LGMN: variants seen among roughly 807,000 people sequenced by gnomAD.
LGMN encodes asparaginyl endopeptidase.
Under a neutral mutation model 56.8 loss-of-function variants are expected in LGMN, and 36 were observed. The observed-to-expected ratio is 0.63, with a 90% CI of 0.49 to 0.84. The LOEUF is 0.84. Ranked by LOEUF, LGMN falls within the 40% of genes least tolerant of loss-of-function variation. The pLI, the probability that LGMN is intolerant of heterozygous loss-of-function variation, is 0.00. For missense variants in LGMN, 446 were observed against 556.1 expected (o/e 0.80, Z 1.99); for synonymous variants, 199 against 210.1 (o/e 0.95, Z 0.46).
At chr14:92,712,624 C>A (rs1889839543) in intron 8 of LGMN, 181 bp downstream of exon 8, 1 of 606,880 alleles carries the variant, frequency 1.6e-6, no homozygotes, top group East Asian at 2.8e-5. Context: ...TTCTTTATTC[C>A]CTGACTACCA....
intron 1 of LGMN, among the ~76,000 whole-genome samples, chr14:92,748,232 C>T (rs1337243672): frequency 6.6e-6 from 1 of 152,050 alleles, no homozygotes; most frequent in Non-Finnish European, 1.5e-5. Flanking sequence ...GCACTGAGCC[C>T]TTCCAGCCAC....
In LGMN at chr14:92,704,354, A is replaced by C. The variant is rs1364597152; in HGVS notation, c.1267T>G (p.Leu423Val). The C allele has an allele frequency of 6.2e-7, 1 of 1,606,346 alleles. No homozygotes were observed. Among genetic ancestry groups the C allele is most frequent in the Non-Finnish European group, 8.5e-7 (1 of 1,174,292 alleles). Residue 423 changes from leucine (L) to valine (V), a missense_variant, in exon 14 of 14, where the codon TTG (leucine) becomes GTG (valine). Physicochemically the swap from Leu to Val is conservative, Grantham distance 32. Coordinates refer to ENST00000334869, the MANE Select transcript of LGMN (RefSeq NM_005606.7). Reference protein sequence around the residue: ...EKPYPLHRIKLSMDHVCLGHY With the variant: ...EKPYPLHRIKVSMDHVCLGHY ...CCAAGGCACACGTGGTCCATGGACA[A>C]TTTTATCCTGCGAGAGACAGGAAGG...
chr14:92,732,804 A>G lies in LGMN; in HGVS notation c.-18T>C. The G allele has an allele frequency of 6.2e-7, 1 of 1,610,976 alleles. No homozygotes were observed. Among genetic ancestry groups the G allele is most frequent in the African/African-American group, 1.3e-5 (1 of 74,820 alleles). The stretch of plus-strand genomic sequence containing the variant: ...CAAACCATTCTGCACCTTGGAGTTC[A>G]ATTGCAGACACCTGAGAAGGGAAAC... On this transcript the variant is annotated 5_prime_UTR_variant, in exon 2 of 14. Transcript: ENST00000334869.
At chr14:92,710,346 G>C (rs566966668) in intron 10 of LGMN, among the ~76,000 whole-genome samples, 4 of 152,356 alleles carry the variant, frequency 2.6e-5, no homozygotes, top group African/African-American at 9.6e-5. Context: ...GCACTCACCT[G>C]CAAGTCCCTA....
At position 92,711,571 on chromosome 14, in the gene LGMN, A is replaced by G. The variant is rs777744586; in HGVS notation, c.819+88T>C. On this transcript the variant is annotated intron_variant, in intron 10 of 13. Transcript: ENST00000334869. Reference sequence around the variant, plus strand: ...CTCAAGCATTCCTCACTCAGATCCCATGTCTCTTTAGCAAGAGATCAATAT... The same window carrying G: ...CTCAAGCATTCCTCACTCAGATCCCGTGTCTCTTTAGCAAGAGATCAATAT... 23 of 1,187,092 alleles carry G rather than the reference A, an allele frequency of 1.9e-5. No individual in the cohort carries two copies. In the African/African-American group the frequency reaches 2.1e-4, roughly 11 times the overall value. 73.5% of individuals were successfully genotyped at this position (1,187,092 alleles called of 1,614,324 possible). A position where few individuals can be genotyped will look rare whatever the true frequency, so the allele number is the denominator to read the frequency against.
chr14:92,732,322 C>A (rs952151162), intron 2 of LGMN: 4 of 271,808 alleles, frequency 1.5e-5, no homozygotes, highest in African/African-American at 2.2e-5. Flanking sequence ...ATGCACAAGA[C>A]GGCCCCCAAC....
chr14:92,712,199 G>T (rs1420438870), intron 8 of LGMN, among the ~76,000 whole-genome samples: 1 of 152,180 alleles, frequency 6.6e-6, no homozygotes, highest in African/African-American at 2.4e-5. Context: ...TGGCAAATTG[G>T]CATGCTTAGG....
At chr14:92,706,457 G>A in intron 12 of LGMN, 26 bp downstream of exon 12, 1 of 1,488,512 alleles carries the variant, frequency 6.7e-7, no homozygotes, top group Non-Finnish European at 9.1e-7. Context: ...CTGGATTCTG[G>A]TCATGGGGAG....
rs1187942689 is a variant in LGMN at position 92,704,079 on chromosome 14, T to C, written c.*240A>G. On this transcript the variant is annotated 3_prime_UTR_variant, in exon 14 of 14. Coordinates refer to ENST00000334869, the MANE Select transcript of LGMN (RefSeq NM_005606.7). ...AACAACAAACCTCCTAGAAAGCAAA[T>C]ATGACCCTTCTCAATACAGAGCTTT... is the stretch of plus-strand genomic sequence containing the variant. 2.8e-6 allele frequency: 2 copies of C among 704,014 alleles called. No homozygotes were observed. Among genetic ancestry groups the C allele is most frequent in the Non-Finnish European group, 5.2e-6 (2 of 387,056 alleles). 43.6% of individuals were successfully genotyped at this position (704,014 alleles called of 1,614,324 possible). A position where few individuals can be genotyped will look rare whatever the true frequency, so the allele number is the denominator to read the frequency against.
At chr14:92,718,899 A>T in intron 2 of LGMN, 55 bp from the exon 3 acceptor site, 1 of 1,181,808 alleles carries the variant, frequency 8.5e-7, no homozygotes, top group Non-Finnish European at 1.3e-6. Context: ...CCAATTTTGG[A>T]GTTCTAAGGA....
intron 1 of LGMN, among the ~76,000 whole-genome samples, chr14:92,742,569 G>A (rs774808480): frequency 6.6e-6 from 1 of 152,000 alleles, no homozygotes; most frequent in Non-Finnish European, 1.5e-5. Context: ...TTACAGATGT[G>A]AGCCACTGCA....
In LGMN at chr14:92,709,756, G is replaced by A; in HGVS notation, c.936C>T (p.Leu312=). The A allele has an allele frequency of 6.2e-7, 1 of 1,614,102 alleles. No individual in the cohort carries two copies. The highest frequency in any genetic ancestry group is 8.5e-7 in the Non-Finnish European group (1 of 1,179,968). The change falls in exon 11 of 14, where the codon CTC becomes CTT. Residue 312 remains leucine, a synonymous_variant. Transcript: ENST00000334869. ...LDLTPSPDVP[L]TIMKRKLMNT... ...TCATCAGTTTCCTTTTCATGATGGT[G>A]AGAGGCACATCAGGGCTGGGGGTGA...
chr14:92,742,733 C>T (rs985439192), intron 1 of LGMN, among the ~76,000 whole-genome samples: 3 of 152,086 alleles, frequency 2.0e-5, no homozygotes, highest in Admixed American at 2.0e-4. Flanking sequence ...CTGTGTCAAA[C>T]AGAAAAAAAT....
intron 1 of LGMN, chr14:92,733,838 T>A (rs1202843552): frequency 3.3e-5 from 5 of 151,554 alleles, no homozygotes; most frequent in Non-Finnish European, 7.4e-5. Flanking sequence ...AAAAGCTACA[T>A]AAGAAAAAAT....
Position 92,717,375 on chromosome 14 carries a change from C to G in LGMN, c.318+5G>C. ...CAGCTGGCTCCAACCGTAGAAGCCA[C>G]TCACCTCTCCAGTGTAGTCCTTCGG... On this transcript the variant is annotated splice_donor_5th_base_variant and intron_variant, in intron 4 of 13. Transcript: ENST00000334869. 6.4e-7 allele frequency: 1 copy of G among 1,562,220 alleles called. No individual in the cohort carries two copies. Among genetic ancestry groups the G allele is most frequent in the South Asian group, 1.2e-5 (1 of 85,768 alleles).
chr14:92,710,723 G>A (rs772101387), intron 10 of LGMN, among the ~76,000 whole-genome samples: 3 of 152,188 alleles, frequency 2.0e-5, no homozygotes, highest in East Asian at 1.9e-4. Flanking sequence ...TGAAGAGAAC[G>A]GAAAGCCCAA....
At chr14:92,737,468 G>C (rs1020301712) in intron 1 of LGMN, among the ~76,000 whole-genome samples, 9 of 152,158 alleles carry the variant, frequency 5.9e-5, no homozygotes, top group African/African-American at 2.2e-4. Flanking sequence ...CCCACCTGGG[G>C]AGTTTTTGGC....
At chr14:92,743,067 A>G (rs1302227723) in intron 1 of LGMN, 1 of 152,012 alleles carries the variant, frequency 6.6e-6, no homozygotes, top group Non-Finnish European at 1.5e-5. Flanking sequence ...TTTCTTTAAC[A>G]AAAGATATAG....
At position 92,720,795 on chromosome 14, in the gene LGMN, G is replaced by A. The variant is rs187103709; in HGVS notation, c.139-1951C>T. The stretch of plus-strand genomic sequence containing the variant: ...CAGAGCAAAGGGTTATTAAGATAGC[G>A]GATGGACTTAAGGTTGCCAATCAGC... On this transcript the variant is annotated intron_variant, in intron 2 of 13. Transcript: ENST00000334869. Among the ~76,000 whole-genome samples, 16 of 152,326 alleles carry A rather than the reference G, an allele frequency of 1.1e-4. 1 individual carries two copies. Among genetic ancestry groups the A allele is most frequent in the Middle Eastern group, 6.8e-3 (2 of 294 alleles).
Sources: gnomAD v4.1 joint callset for allele counts (sites outside exome capture counted in the v4.1 genomes callset) on GRCh38, gnomAD v4.1.1 for gene constraint, MANE v1.5 for transcripts, NCBI Gene and HGNC (gene_info 2026-07-23, HGNC 2026-07-21) for gene names.